ZFAND2A: variants seen among roughly 807,000 people sequenced by gnomAD.
ZFAND2A encodes zinc finger AN1-type containing 2A, also known as AN1-type zinc finger protein 2A.
ZFAND2A carries 20 observed loss-of-function variants against 11.6 expected under a neutral mutation model. That is an observed-to-expected ratio of 1.72 (90% CI 1.21 to 2.50). The LOEUF (loss-of-function observed/expected upper bound fraction) is 2.50. Among genes scored for constraint, ZFAND2A ranks in the 30% most tolerant of loss-of-function variants. The pLI is 0.00. For synonymous variants in ZFAND2A, 93 were observed against 60.6 expected, an observed-to-expected ratio of 1.54 and a Z score of -2.48; for missense variants, 234 against 182.9, an observed-to-expected ratio of 1.28 and a Z score of -1.61.
At chr7:1,158,709 T>C (rs145422616) in intron 1 of ZFAND2A, among the ~76,000 whole-genome samples, 430 of 152,346 alleles carry the variant, frequency 2.8e-3, no homozygotes, top group African/African-American at 9.9e-3. Flanking sequence ...CCCTTAGGCA[T>C]TGAATCTTAC....
intron 4 of ZFAND2A, among the ~76,000 whole-genome samples, chr7:1,155,142 A>C (rs1349463716): frequency 3.9e-5 from 6 of 152,132 alleles, no homozygotes; most frequent in Admixed American, 3.3e-4. Flanking sequence ...AAACAAACAA[A>C]CAAACAAATG....
Position 1,159,840 on chromosome 7 carries a change from T to TCC in ZFAND2A, c.-46+122_-46+123dup. On this transcript the variant is annotated intron_variant, in intron 1 of 4. Transcript: ENST00000316495. ...AGGCCGGACCCCCAGCAGCCTGACC[T>TCC]CCAGCAAGCAGCCGGACTTTCAGCA... 3 of 176,278 alleles carry TCC rather than the reference T, an allele frequency of 1.7e-5. 1 individual carries two copies. Among genetic ancestry groups the TCC allele is most frequent in the South Asian group, 1.5e-4 (2 of 13,306 alleles). The allele number at this position is 176,278 out of a possible 1,614,324, so 10.9% of individuals were successfully genotyped here. A position where few individuals can be genotyped will look rare whatever the true frequency, so the allele number is the denominator to read the frequency against.
At chr7:1,158,602 C>G (rs769399905) in intron 1 of ZFAND2A, among the ~76,000 whole-genome samples, 3 of 152,196 alleles carry the variant, frequency 2.0e-5, no homozygotes, top group Non-Finnish European at 4.4e-5. Context: ...TATACTTGTT[C>G]ACATAAACAA....
downstream of ZFAND2A, among the ~76,000 whole-genome samples, chr7:1,152,681 CAT>C (rs1793422253): frequency 6.6e-6 from 1 of 152,078 alleles, no homozygotes; most frequent in Non-Finnish European, 1.5e-5. Flanking sequence ...CACAGAATGC[CAT>C]GTGAAGATGA....
downstream of ZFAND2A, chr7:1,152,212 C>T (rs780204741): frequency 6.5e-7 from 1 of 1,534,950 alleles, no homozygotes; most frequent in Non-Finnish European, 8.8e-7. Flanking sequence ...AGAGCTGCAG[C>T]ACCCCACACA....
At chr7:1,156,000 C>A in intron 3 of ZFAND2A, among the ~76,000 whole-genome samples, 1 of 152,378 alleles carries the variant, frequency 6.6e-6, no homozygotes, top group East Asian at 1.9e-4. Flanking sequence ...TCTACGTACA[C>A]AGAGAGTTGC....
chr7:1,152,473 C>T (rs1241154472), downstream of ZFAND2A: 1 of 1,147,220 alleles, frequency 8.7e-7, no homozygotes, highest in African/African-American at 1.6e-5. Context: ...CCAGGTGCAA[C>T]AGTTGAGGCA....
At chr7:1,158,078 A>G (rs1793574112) in intron 2 of ZFAND2A, 80 bp downstream of exon 2, 4 of 1,401,214 alleles carry the variant, frequency 2.9e-6, no homozygotes, top group Non-Finnish European at 4.0e-6. Flanking sequence ...GCCAAGACAC[A>G]ATTATCAGCT....
intron 3 of ZFAND2A, among the ~76,000 whole-genome samples, chr7:1,156,009 G>A (rs1368876190): frequency 6.6e-6 from 1 of 152,254 alleles, no homozygotes; most frequent in Non-Finnish European, 1.5e-5. Flanking sequence ...ACAGAGAGTT[G>A]CTTGCGCCCA....
chr7:1,157,835 A>G (rs1307763535), intron 2 of ZFAND2A, 85 bp from the exon 3 acceptor site: 1 of 1,090,102 alleles, frequency 9.2e-7, no homozygotes, highest in Non-Finnish European at 1.3e-6. Flanking sequence ...ACCTACACTA[A>G]GTGTTTTAGG....
Position 1,160,033 on chromosome 7 carries a change from T to G in ZFAND2A, c.-115A>C. 6.5e-6 allele frequency: 1 copy of G among 153,900 alleles called. No homozygotes were observed. The highest frequency in any genetic ancestry group is 1.8e-4 in the South Asian group (1 of 5,688). The allele number at this position is 153,900 out of a possible 1,614,324, so 9.5% of individuals were successfully genotyped here. ...GGAAGAGACGTAAACTCAGGTGTCC[T>G]CCTCCGTAGTCGGCTCCGGGTAGCT... On this transcript the variant is annotated 5_prime_UTR_variant, in exon 1 of 5. Coordinates refer to ENST00000316495, the MANE Select transcript of ZFAND2A (RefSeq NM_182491.4).
At position 1,158,272 on chromosome 7, in the gene ZFAND2A, G is replaced by C. The variant is rs1157384737; in HGVS notation, c.-45-15C>G. On this transcript the variant is annotated splice_polypyrimidine_tract_variant and intron_variant, in intron 1 of 4. Transcript: ENST00000316495. ...TTAAGTGTCACCTACAAGAGAATCA[G>C]AATAGTTAGGAGGAAAGCTGGACTG... The C allele has an allele frequency of 6.6e-7, 1 of 1,511,928 alleles. No homozygotes were observed. 93.7% of individuals were successfully genotyped at this position (1,511,928 alleles called of 1,614,324 possible). A position where few individuals can be genotyped will look rare whatever the true frequency, so the allele number is the denominator to read the frequency against.
intron 3 of ZFAND2A, 96 bp downstream of exon 3, chr7:1,157,560 T>C: frequency 8.2e-7 from 1 of 1,213,172 alleles, no homozygotes; most frequent in Non-Finnish European, 1.2e-6. Flanking sequence ...TAATTTTCAA[T>C]GAGTTAGCCA....
chr7:1,155,569 C>T lies in ZFAND2A; in HGVS notation c.166G>A (p.Val56Ile), dbSNP rs919759646. 5 of 1,613,004 alleles carry T rather than the reference C, an allele frequency of 3.1e-6. No individual in the cohort carries two copies. Among genetic ancestry groups the T allele is most frequent in the East Asian group, 4.5e-5 (2 of 44,864 alleles). The part of the protein sequence containing the change: ...FAFQKDVHVP[V>I]CPLCNTPIPV... ...ATGGGGGTATTACAGAGTGGGCATACTGGGACGTGAACATCCTAAAAATAA... is the reference window on the plus strand; with the variant it reads ...ATGGGGGTATTACAGAGTGGGCATATTGGGACGTGAACATCCTAAAAATAA... The change falls in exon 4 of 5, where the codon GTA (valine) becomes ATA (isoleucine). Residue 56 changes from valine to isoleucine, a missense_variant. By Grantham distance (29) the Val-to-Ile change is conservative. Coordinates refer to ENST00000316495, the MANE Select transcript of ZFAND2A (RefSeq NM_182491.4).
At chr7:1,150,936 G>A (rs970463602), downstream of ZFAND2A, among the ~76,000 whole-genome samples, 3 of 144,624 alleles carry the variant, frequency 2.1e-5, no homozygotes, top group African/African-American at 8.0e-5. Flanking sequence ...TGCCCAGGCT[G>A]GAGTGCAGTG....
intron 2 of ZFAND2A, 57 bp downstream of exon 2, chr7:1,158,101 A>G: frequency 6.5e-7 from 1 of 1,531,428 alleles, no homozygotes; most frequent in Non-Finnish European, 9.0e-7. Flanking sequence ...TTAACAGAAC[A>G]GCCAGCTTTC....
downstream of ZFAND2A, chr7:1,152,099 T>TC (rs1189281870): frequency 1.9e-6 from 2 of 1,046,818 alleles, no homozygotes; most frequent in African/African-American, 3.3e-5. Context: ...TAACTTGGGG[T>TC]CCCAGTCCTG....
At chr7:1,158,052 C>CT in intron 2 of ZFAND2A, 106 bp downstream of exon 2, 1 of 1,150,734 alleles carries the variant, frequency 8.7e-7, no homozygotes, top group Non-Finnish European at 1.3e-6. Context: ...GTTCCCAATA[C>CT]TGAGGAGCCA....
downstream of ZFAND2A, among the ~76,000 whole-genome samples, chr7:1,152,622 G>A (rs1793421088): frequency 6.6e-6 from 1 of 152,176 alleles, no homozygotes; most frequent in Non-Finnish European, 1.5e-5. Context: ...GGTCACGACT[G>A]TGGGATCACA....
Sources: allele counts gnomAD v4.1 joint callset (sites outside exome capture counted in the v4.1 genomes callset), GRCh38; gene constraint gnomAD v4.1.1; transcripts MANE v1.5; gene names NCBI Gene and HGNC (gene_info 2026-07-23, HGNC 2026-07-21).